The following FAM178B variants were observed in gnomAD, a reference collection of about 807,000 sequenced individuals.
The protein encoded by FAM178B is family with sequence similarity 178 member B.
FAM178B carries 82 observed loss-of-function variants against 91.7 expected under a neutral mutation model. The observed-to-expected ratio is 0.89, with a 90% CI of 0.75 to 1.07. The LOEUF is 1.07. Ranked by LOEUF, FAM178B falls within the 50% of genes least tolerant of loss-of-function variation. The probability of loss-of-function intolerance (pLI) is 0.00; values close to 1 mark genes in which losing one functional copy is unlikely to be tolerated. For synonymous variants in FAM178B, 368 were observed against 359.4 expected (o/e 1.02, Z -0.27); for missense variants, 769 against 846.7 (o/e 0.91, Z 1.14).
intron 14 of FAM178B, among the ~76,000 whole-genome samples, chr2:96,890,802 C>A (rs1391791816): frequency 6.6e-6 from 1 of 152,168 alleles, no homozygotes; most frequent in Non-Finnish European, 1.5e-5. Flanking sequence ...TGTGTTAACT[C>A]TCCCACAGGA....
intron 14 of FAM178B, among the ~76,000 whole-genome samples, chr2:96,889,400 C>CCGGTG (rs1233342828): frequency 2.6e-5 from 4 of 152,034 alleles, no homozygotes; most frequent in African/African-American, 7.3e-5. Flanking sequence ...ATCAGTAGGC[C>CCGGTG]CGGTGCGGTG....
intron 8 of FAM178B, among the ~76,000 whole-genome samples, chr2:96,936,481 T>C (rs1338295163): frequency 1.3e-5 from 2 of 149,722 alleles, no homozygotes; most frequent in South Asian, 2.1e-4. Context: ...ATTACAGGCG[T>C]GAGCCACCAC....
chr2:96,920,930 GC>G (rs1409350090), intron 12 of FAM178B, among the ~76,000 whole-genome samples: 1 of 152,194 alleles, frequency 6.6e-6, no homozygotes, highest in Non-Finnish European at 1.5e-5. Context: ...GGCCCTGCAG[GC>G]AGGAGCTAAT....
intron 1 of FAM178B, among the ~76,000 whole-genome samples, chr2:96,974,381 C>CAAAAAAAA (rs1171601429): frequency 3.1e-4 from 5 of 16,226 alleles, no homozygotes; most frequent in Non-Finnish European, 6.0e-4. Flanking sequence ...GACTCCATCT[C>CAAAAAAAA]AAAAAAAAAA....
intron 14 of FAM178B, among the ~76,000 whole-genome samples, chr2:96,883,872 A>G (rs966411564): frequency 3.3e-5 from 5 of 152,106 alleles, no homozygotes; most frequent in African/African-American, 9.7e-5. Context: ...GGCTGCTCTC[A>G]GCCCAATCTC....
At chr2:96,980,972 T>C (rs1489036823) in intron 1 of FAM178B, among the ~76,000 whole-genome samples, 1 of 152,064 alleles carries the variant, frequency 6.6e-6, no homozygotes, top group East Asian at 1.9e-4. Context: ...TCTTTCATTC[T>C]ATTTATTTTT....
At chr2:96,921,086 T>TG (rs1295195058) in intron 12 of FAM178B, 79 bp downstream of exon 12, 1 of 1,208,908 alleles carries the variant, frequency 8.3e-7, no homozygotes, top group African/African-American at 1.5e-5. Flanking sequence ...TTGGGGCTGA[T>TG]GGGGAGGACT....
intron 8 of FAM178B, among the ~76,000 whole-genome samples, chr2:96,930,442 T>C (rs569511236): frequency 2.6e-5 from 4 of 152,252 alleles, no homozygotes; most frequent in Non-Finnish European, 5.9e-5. Flanking sequence ...CTCCCACACC[T>C]CATCCAGGGA....
chr2:96,931,622 C>T (rs552351205), intron 8 of FAM178B, among the ~76,000 whole-genome samples: 5 of 152,148 alleles, frequency 3.3e-5, no homozygotes, highest in South Asian at 4.2e-4. Flanking sequence ...TGGGGACTTC[C>T]GCAAGGACCA....
At position 96,960,158 on chromosome 2, in the gene FAM178B, T is replaced by G. The variant is rs1005679793; in HGVS notation, c.887+130A>C. On this transcript the variant is annotated intron_variant, in intron 6 of 16. Coordinates refer to ENST00000490605, the MANE Select transcript of FAM178B (RefSeq NM_001122646.3). Reference sequence around the variant, plus strand: ...CAATGTCACCTATATCTCTAAAAACTGACACATTCAAATTGGCCTGATCAC... The same window carrying G: ...CAATGTCACCTATATCTCTAAAAACGGACACATTCAAATTGGCCTGATCAC... 1.9e-5 allele frequency: 18 copies of G among 929,664 alleles called. No individual in the cohort carries two copies. In the African/African-American group the frequency reaches 2.9e-4, roughly 15 times the overall value. The allele number at this position is 929,664 out of a possible 1,614,324, so 57.6% of individuals were successfully genotyped here. A position where few individuals can be genotyped will look rare whatever the true frequency, so the allele number is the denominator to read the frequency against.
At chr2:96,883,813 G>C (rs540812317) in intron 14 of FAM178B, among the ~76,000 whole-genome samples, 46 of 152,314 alleles carry the variant, frequency 3.0e-4, no homozygotes, top group Admixed American at 3.0e-3. Context: ...GGAGCCAGGG[G>C]GGGTCCTCTT....
chr2:96,963,862 C>G (rs181331126), intron 5 of FAM178B, among the ~76,000 whole-genome samples: 1 of 152,196 alleles, frequency 6.6e-6, no homozygotes, highest in East Asian at 1.9e-4. Context: ...GTTTGCTGAT[C>G]CTTGATTTAG....
intron 14 of FAM178B, among the ~76,000 whole-genome samples, chr2:96,879,233 C>G (rs1334751434): frequency 6.6e-6 from 1 of 152,262 alleles, no homozygotes; most frequent in Non-Finnish European, 1.5e-5. Context: ...CGCCCCTCCA[C>G]TCAGAGGGCC....
chr2:96,877,804 C>T (rs974418970), intron 16 of FAM178B, 86 bp downstream of exon 16: 15 of 1,360,466 alleles, frequency 1.1e-5, no homozygotes, highest in Middle Eastern at 3.8e-4. Context: ...GCAGCTGCAG[C>T]GGGGGTGGAT....
chr2:96,894,144 G>C, intron 13 of FAM178B, 93 bp from the exon 14 acceptor site: 1 of 1,464,636 alleles, frequency 6.8e-7, no homozygotes, highest in Non-Finnish European at 9.2e-7. Flanking sequence ...TCAGCTGGTG[G>C]CAGTGTGTTA....
chr2:96,930,210 CAAAAAAAAAAAAAAA>C lies in FAM178B; in HGVS notation c.1079-905_1079-891del, dbSNP rs60102987. On this transcript the variant is annotated intron_variant, in intron 8 of 16. Coordinates refer to ENST00000490605, the MANE Select transcript of FAM178B (RefSeq NM_001122646.3). ...GTGACAGAGCGAGACTCCGTCTCTC[CAAAAAAAAAAAAAAA>C]AAAAAAAAAAAAAAAAAAATCTGAC... Among the ~76,000 whole-genome samples, 372 of 39,554 alleles carry C rather than the reference CAAAAAAAAAAAAAAA, an allele frequency of 9.4e-3. 5 individuals are homozygous for C. The highest frequency in any genetic ancestry group is 0.045 in the African/African-American group (338 of 7,462). 25.9% of individuals were successfully genotyped at this position (39,554 alleles called of 152,430 possible).
intron 13 of FAM178B, among the ~76,000 whole-genome samples, chr2:96,897,414 C>T (rs962528563): frequency 5.3e-5 from 8 of 152,178 alleles, no homozygotes; most frequent in African/African-American, 1.9e-4. Flanking sequence ...CCGAAGCCCA[C>T]GTTTTCCAAA....
chr2:96,924,319 G>C lies in FAM178B; in HGVS notation c.1194-736C>G, dbSNP rs528773368. On this transcript the variant is annotated intron_variant, in intron 9 of 16. Coordinates refer to ENST00000490605, the MANE Select transcript of FAM178B (RefSeq NM_001122646.3). ...CTGACACGGGCTGGCTCACAAGCCA[G>C]CAAGTATGGGGGAAATCAGAACAAA... 4.6e-5 allele frequency among the ~76,000 whole-genome samples: 7 copies of C among 152,326 alleles called. No homozygotes were observed. In the South Asian group the frequency reaches 1.5e-3, roughly 32 times the overall value.
chr2:96,912,592 C>A (rs17119656), intron 12 of FAM178B, among the ~76,000 whole-genome samples: 26,695 of 151,986 alleles, frequency 0.18, 2,973 homozygotes, highest in African/African-American at 0.31. Flanking sequence ...GCCTGGTGCC[C>A]CAAGAGGTGT....
Sources: gnomAD v4.1 joint callset for allele counts (sites outside exome capture counted in the v4.1 genomes callset) on GRCh38, gnomAD v4.1.1 for gene constraint, MANE v1.5 for transcripts, NCBI Gene and HGNC (gene_info 2026-07-23, HGNC 2026-07-21) for gene names.